The following DPP10 variants were observed in gnomAD, a reference collection of about 807,000 sequenced individuals.
The protein encoded by DPP10 is inactive dipeptidyl peptidase 10.
In DPP10, 33 loss-of-function variants were observed where a neutral mutation model predicts 120.9. The observed-to-expected ratio is 0.27, with a 90% CI of 0.21 to 0.37. The LOEUF is 0.37. Ranked by LOEUF, DPP10 falls within the 10% of genes least tolerant of loss-of-function variation. DPP10 has a pLI of 1.00. For synonymous variants in DPP10, 337 were observed against 326.1 expected (o/e 1.03, Z -0.36); for missense variants, 816 against 942.8 (o/e 0.87, Z 1.76).
chr2:115,193,276 A>G (rs1169298202), intron 1 of DPP10, among the ~76,000 whole-genome samples: 1 of 152,184 alleles, frequency 6.6e-6, no homozygotes, highest in Non-Finnish European at 1.5e-5. Context: ...ACAAGAATTT[A>G]CCATGTAAGA....
At chr2:115,103,184 CTTTTTTTTTTT>C (rs71394123) in intron 1 of DPP10, among the ~76,000 whole-genome samples, 1 of 122,154 alleles carries the variant, frequency 8.2e-6, no homozygotes, top group African/African-American at 3.0e-5. Flanking sequence ...CTGATTCTCT[CTTTTTTTTTTT>C]TTTTTTTTTT....
At chr2:115,820,140 T>C (rs1387200421) in intron 21 of DPP10, among the ~76,000 whole-genome samples, 10 of 152,218 alleles carry the variant, frequency 6.6e-5, no homozygotes, top group Non-Finnish European at 1.2e-4. Context: ...TCTTCTGAAC[T>C]TTTCTTATTA....
rs1437811530 is a variant in DPP10, at chr2:114,636,219, A to G, written c.60+193381A>G. 3.3e-5 allele frequency among the ~76,000 whole-genome samples: 5 copies of G among 152,050 alleles called. No homozygotes were observed. In the South Asian group the frequency reaches 1.0e-3, roughly 31 times the overall value. ...TCCTTGAAATAATCACTGTGCTTTG[A>G]TATGCAGCAGAACTGCTTTATATAA... On this transcript the variant is annotated intron_variant, in intron 1 of 25. Coordinates refer to ENST00000410059, the MANE Select transcript of DPP10 (RefSeq NM_020868.6).
chr2:114,445,304 G>A (rs1486942341), intron 1 of DPP10, among the ~76,000 whole-genome samples: 1 of 152,026 alleles, frequency 6.6e-6, no homozygotes, highest in East Asian at 1.9e-4. Context: ...TAAATAACTT[G>A]CATATTGCTC....
chr2:115,162,306 G>C (rs2052461011), intron 1 of DPP10: 2 of 1,502,150 alleles, frequency 1.3e-6, no homozygotes, highest in Non-Finnish European at 1.8e-6. Context: ...GAACCCCGGC[G>C]GGCGGCCCAC....
chr2:115,409,458 G>A (rs2068774595), intron 3 of DPP10, among the ~76,000 whole-genome samples: 1 of 152,104 alleles, frequency 6.6e-6, no homozygotes. Flanking sequence ...AAAACCACAT[G>A]CGATACCAAC....
chr2:115,372,235 A>G (rs962446787), intron 3 of DPP10, among the ~76,000 whole-genome samples: 3 of 152,174 alleles, frequency 2.0e-5, no homozygotes, highest in Non-Finnish European at 2.9e-5. Context: ...AAAATACTTC[A>G]TAATGAAGTA....
At chr2:115,286,530 T>TATACATAATA (rs2060405271) in intron 1 of DPP10, among the ~76,000 whole-genome samples, 1 of 114,558 alleles carries the variant, frequency 8.7e-6, no homozygotes, top group Non-Finnish European at 1.9e-5. Context: ...ATATATAATA[T>TATACATAATA]ATATATATAT....
chr2:115,534,126 A>T (rs2078649350), intron 5 of DPP10, among the ~76,000 whole-genome samples: 1 of 151,626 alleles, frequency 6.6e-6, no homozygotes, highest in Admixed American at 6.6e-5. Flanking sequence ...TTTTATTATT[A>T]TACTTCAAGT....
chr2:114,891,873 A>G (rs1197087636), intron 1 of DPP10, among the ~76,000 whole-genome samples: 2 of 152,190 alleles, frequency 1.3e-5, no homozygotes, highest in Non-Finnish European at 2.9e-5. Flanking sequence ...ATAGCACACG[A>G]TATTTGAAAT....
At chr2:115,754,857 A>T (rs905258521) in intron 11 of DPP10, among the ~76,000 whole-genome samples, 1 of 152,148 alleles carries the variant, frequency 6.6e-6, no homozygotes, top group Non-Finnish European at 1.5e-5. Flanking sequence ...TCTTAAATAC[A>T]CTGATTTGAT....
chr2:114,786,163 A>C (rs1036731024), intron 1 of DPP10, among the ~76,000 whole-genome samples: 2 of 152,222 alleles, frequency 1.3e-5, no homozygotes, highest in African/African-American at 2.4e-5. Flanking sequence ...TCAGCTGTGT[A>C]TTAGGGAAGA....
At chr2:114,824,157 A>T (rs911036635) in intron 1 of DPP10, among the ~76,000 whole-genome samples, 4 of 152,242 alleles carry the variant, frequency 2.6e-5, no homozygotes, top group Non-Finnish European at 5.9e-5. Context: ...AATAAATGGT[A>T]CCAAGGATAA....
chr2:114,876,062 G>A (rs528686394), intron 1 of DPP10, among the ~76,000 whole-genome samples: 53 of 152,138 alleles, frequency 3.5e-4, no homozygotes, highest in African/African-American at 1.2e-3. Context: ...GTAAATGACT[G>A]TTCAAATATT....
intron 5 of DPP10, among the ~76,000 whole-genome samples, chr2:115,647,992 A>G (rs1400008531): frequency 6.6e-6 from 1 of 152,178 alleles, no homozygotes; most frequent in African/African-American, 2.4e-5. Flanking sequence ...AAAGATTCAT[A>G]TCACTTTTAT....
At chr2:115,455,036 A>G (rs945902447) in intron 3 of DPP10, among the ~76,000 whole-genome samples, 76 of 151,004 alleles carry the variant, frequency 5.0e-4, no homozygotes, top group Non-Finnish European at 1.2e-4. Flanking sequence ...TTAATATAGC[A>G]TAATTATAAT....
chr2:114,814,565 G>A (rs1448060779), intron 1 of DPP10, among the ~76,000 whole-genome samples: 1 of 151,880 alleles, frequency 6.6e-6, no homozygotes, highest in South Asian at 2.1e-4. Context: ...TATTGCACTG[G>A]CACGTTTGAG....
At chr2:114,578,110 A>G (rs1690206366) in intron 1 of DPP10, among the ~76,000 whole-genome samples, 2 of 152,168 alleles carry the variant, frequency 1.3e-5, no homozygotes, top group Non-Finnish European at 2.9e-5. Context: ...AAAACATAAT[A>G]GATCTACGGT....
intron 21 of DPP10, among the ~76,000 whole-genome samples, chr2:115,816,538 G>C (rs1003612840): frequency 6.6e-6 from 1 of 151,754 alleles, no homozygotes; most frequent in Non-Finnish European, 1.5e-5. Flanking sequence ...GTTATGTCAG[G>C]TTCAACATTA....
Sources: allele counts gnomAD v4.1 joint callset (sites outside exome capture counted in the v4.1 genomes callset), GRCh38; gene constraint gnomAD v4.1.1; transcripts MANE v1.5; gene names NCBI Gene and HGNC (gene_info 2026-07-23, HGNC 2026-07-21).